Variants in AP3B2 observed in about 807,000 individuals in gnomAD.
The protein encoded by AP3B2 is AP-3 complex subunit beta-2.
In AP3B2, 50 loss-of-function variants were observed where a neutral mutation model predicts 126.9. That is an observed-to-expected ratio of 0.39 (90% confidence interval 0.31 to 0.50). AP3B2 has a LOEUF of 0.50. Among genes scored for constraint, AP3B2 ranks in the 20% least tolerant of loss-of-function variants. The probability of loss-of-function intolerance (pLI) is 0.79; values close to 1 mark genes in which losing one functional copy is unlikely to be tolerated. For missense variants in AP3B2, 1,177 were observed against 1,426.4 expected (o/e 0.83, Z 2.82); for synonymous variants, 541 against 565.0 (o/e 0.96, Z 0.60).
At chr15:82,679,349 C>T (rs1347800150) in intron 10 of AP3B2, among the ~76,000 whole-genome samples, 1 of 152,194 alleles carries the variant, frequency 6.6e-6, no homozygotes, top group Non-Finnish European at 1.5e-5. Flanking sequence ...GTCTTGAACT[C>T]CTGACCTCAG....
chr15:82,688,181 G>C, intron 4 of AP3B2: 2 of 499,510 alleles, frequency 4.0e-6, no homozygotes, highest in Non-Finnish European at 7.1e-6. Flanking sequence ...ATCCAATATG[G>C]AGAGAATGGC....
intron 4 of AP3B2, chr15:82,687,612 G>T (rs977020857): frequency 6.6e-6 from 1 of 152,192 alleles, no homozygotes; most frequent in Admixed American, 6.5e-5. Context: ...CTAAATGAAT[G>T]AATTGTATAT....
chr15:82,677,967 C>T (rs987273788), intron 11 of AP3B2, 138 bp downstream of exon 11: 1 of 1,358,854 alleles, frequency 7.4e-7, no homozygotes, highest in Non-Finnish European at 1.0e-6. Context: ...GGCCCAAAGC[C>T]AGCCAAACAC....
chr15:82,684,411 T>C (rs2048392463), intron 4 of AP3B2, among the ~76,000 whole-genome samples: 1 of 152,210 alleles, frequency 6.6e-6, no homozygotes, highest in Admixed American at 6.5e-5. Flanking sequence ...TTTTCTTCTG[T>C]AGCTTCCTCA....
At chr15:82,673,647 CTATA>C (rs764654537) in intron 14 of AP3B2, among the ~76,000 whole-genome samples, 31 of 152,246 alleles carry the variant, frequency 2.0e-4, no homozygotes, top group South Asian at 1.0e-3. Context: ...TTCTGAATGA[CTATA>C]TATAGGAATA....
intron 11 of AP3B2, 33 bp downstream of exon 11, chr15:82,678,072 C>T (rs1180841559): frequency 6.2e-7 from 1 of 1,610,372 alleles, no homozygotes; most frequent in Admixed American, 1.7e-5. Context: ...GGGCCCCTCT[C>T]CCAGGCCCTT....
chr15:82,707,014 G>A (rs527927836), intron 1 of AP3B2, among the ~76,000 whole-genome samples: 6 of 152,300 alleles, frequency 3.9e-5, no homozygotes, highest in Admixed American at 3.9e-4. Flanking sequence ...TTCACTGGAT[G>A]GGTAGAGGCC....
In AP3B2 at chr15:82,689,383, C is replaced by T; in HGVS notation, c.184G>A (p.Val62Met). The change falls in exon 2 of 27, where the codon GTG becomes ATG. Residue 62 changes from valine (V) to methionine (M), a missense_variant. Val to Met is a conservative substitution (Grantham distance 21). Around this residue, in one of 5 missense-constraint regions of AP3B2, gnomAD observed 130 missense variants for 262.0 expected, o/e 0.50. Coordinates refer to ENST00000535359, the MANE Select transcript of AP3B2 (RefSeq NM_001278512.2). The stretch of plus-strand genomic sequence containing the variant: ...CCTCCTCCTTCCCCTCTTACCGCCA[C>T]AATCCTCTTCATGGCCTCCAGCTTG... ...SLKLEAMKRI[V>M]AMIARGKNAS... The T allele has an allele frequency of 1.2e-6, 2 of 1,613,942 alleles. No individual in the cohort carries two copies. The highest frequency in any genetic ancestry group is 1.1e-5 in the South Asian group (1 of 91,058).
chr15:82,678,172 A>G lies in AP3B2; in HGVS notation c.1183-5T>C. The G allele has an allele frequency of 6.2e-7, 1 of 1,613,800 alleles. No homozygotes were observed. The highest frequency in any genetic ancestry group is 8.5e-7 in the Non-Finnish European group (1 of 1,179,844). ...CAGGTTGGTCAGCACTTCCAGCTGCAGGGAGGGTTGGAGAGGCAGAAAATG... is the reference window on the plus strand; with the variant it reads ...CAGGTTGGTCAGCACTTCCAGCTGCGGGGAGGGTTGGAGAGGCAGAAAATG... On this transcript the variant is annotated splice_region_variant and splice_polypyrimidine_tract_variant and intron_variant, in intron 10 of 26. Transcript: ENST00000535359.
intron 1 of AP3B2, chr15:82,692,121 C>G (rs2048545710): frequency 6.7e-7 from 1 of 1,493,702 alleles, no homozygotes; most frequent in Non-Finnish European, 9.3e-7. Flanking sequence ...TTCGTAAGTC[C>G]TGGAGAACTC....
intron 14 of AP3B2, among the ~76,000 whole-genome samples, chr15:82,674,571 GTTTATTTTTGT>G (rs2048212941): frequency 6.6e-6 from 1 of 152,172 alleles, no homozygotes; most frequent in Non-Finnish European, 1.5e-5. Flanking sequence ...TGTTTAAAAT[GTTTATTTTTGT>G]CCTGTTTCTC....
intron 1 of AP3B2, among the ~76,000 whole-genome samples, chr15:82,698,234 C>T (rs988066647): frequency 5.9e-5 from 9 of 151,856 alleles, no homozygotes; most frequent in African/African-American, 1.2e-4. Context: ...GCCTACACAA[C>T]GCCCAGAGAA....
chr15:82,670,100 C>CTTT (rs1205984035), intron 14 of AP3B2, among the ~76,000 whole-genome samples: 1 of 62,504 alleles, frequency 1.6e-5, no homozygotes, highest in Non-Finnish European at 3.0e-5. Flanking sequence ...AAATCAGTGG[C>CTTT]TTTTTTTTTT....
chr15:82,663,601 G>T lies in AP3B2; in HGVS notation c.2456C>A (p.Ala819Asp). 1 of 1,613,960 alleles carries T rather than the reference G, an allele frequency of 6.2e-7. No homozygotes were observed. The highest frequency in any genetic ancestry group is 1.3e-5 in the African/African-American group (1 of 75,066). Residue 819 changes from alanine (A) to aspartate (D), a missense_variant, in exon 21 of 27, where the codon GCT becomes GAT. Coordinates refer to ENST00000535359, the MANE Select transcript of AP3B2 (RefSeq NM_001278512.2). ...CAGGGAGATCTCCTTGGTTGCAGGA[G>T]CACTTTTGCTGCTGGGAGGCTGAAA... Reference protein sequence around the residue: ...SRKTPPSSKSAPATKEISLLD... With the variant: ...SRKTPPSSKSDPATKEISLLD...
chr15:82,664,857 G>T lies in AP3B2; in HGVS notation c.2115C>A (p.Gly705=), dbSNP rs1158097259. 1.1e-5 allele frequency: 18 copies of T among 1,598,826 alleles called. No individual in the cohort carries two copies. Among genetic ancestry groups the T allele is most frequent in the Non-Finnish European group, 1.5e-5 (18 of 1,172,580 alleles). Residue 705 remains glycine, a synonymous_variant, in exon 18 of 27, where the codon GGC becomes GGA. Transcript: ENST00000535359. This position sits in a 1 kb window ranked among gnomAD's most constrained non-coding sequence, Gnocchi z 4.5. Reference sequence around the variant, plus strand: ...CACCACTGTCTGCGGACTCCGTGGGGCCTGACTCCCCCTCAGAGTCCGAGT... The same window carrying T: ...CACCACTGTCTGCGGACTCCGTGGGTCCTGACTCCCCCTCAGAGTCCGAGT... The part of the protein sequence containing the change: ...PFYSDSEGES[G]PTESADSDPE...
chr15:82,680,196 G>T lies in AP3B2; in HGVS notation c.1089C>A (p.Ala363=), dbSNP rs754725650. The change falls in exon 9 of 27, where the codon GCC becomes GCA. Residue 363 remains alanine (A), a synonymous_variant. Transcript: ENST00000535359. This position sits in a 1 kb window ranked among gnomAD's most constrained non-coding sequence, Gnocchi z 6.1. ...EVQYVVLQNV[A]TMSIKRRGMF... ...TCACCCGGCGCTTGATGGACATGGT[G>T]GCCACGTTCTGGAGCACAACGTACT... 6.2e-6 allele frequency: 10 copies of T among 1,613,442 alleles called. No individual in the cohort carries two copies. The highest frequency in any genetic ancestry group is 7.6e-6 in the Non-Finnish European group (9 of 1,179,812).
intron 12 of AP3B2, 85 bp downstream of exon 12, chr15:82,677,584 CTG>C: frequency 6.8e-7 from 1 of 1,463,268 alleles, no homozygotes; most frequent in Non-Finnish European, 9.1e-7. Context: ...TCTAGGCAGA[CTG>C]GTGGATATCC....
In AP3B2 at chr15:82,681,631, T is replaced by C. The variant is rs1232789665; in HGVS notation, c.361-51A>G. On this transcript the variant is annotated intron_variant, in intron 4 of 26. Coordinates refer to ENST00000535359, the MANE Select transcript of AP3B2 (RefSeq NM_001278512.2). This position sits in a 1 kb window ranked among gnomAD's most constrained non-coding sequence, Gnocchi z 4.0. ...TATGAAAGGGCACCAGGTGCCCTGA[T>C]GGGGGGAGGCCACACCTTTGGAAGT... 1.9e-6 allele frequency: 3 copies of C among 1,579,772 alleles called. No individual in the cohort carries two copies. The highest frequency in any genetic ancestry group is 2.6e-6 in the Non-Finnish European group (3 of 1,162,008).
intron 4 of AP3B2, chr15:82,686,672 G>A (rs2048431476): frequency 6.6e-6 from 1 of 151,918 alleles, no homozygotes; most frequent in Non-Finnish European, 1.5e-5. Context: ...TGCCCAGGCT[G>A]GAGTACAGTG....
Sources: gnomAD v4.1 joint callset for allele counts (sites outside exome capture counted in the v4.1 genomes callset) on GRCh38, gnomAD v4.1.1 for gene constraint, gnomAD v4.1.1 regional missense constraint, Gnocchi (gnomAD v3.1) non-coding constraint, MANE v1.5 for transcripts, NCBI Gene and HGNC (gene_info 2026-07-23, HGNC 2026-07-21) for gene names.